ANXA9: variants seen among roughly 807,000 people sequenced by gnomAD.
ANXA9 encodes annexin 31.
ANXA9 carries 47 observed loss-of-function variants against 51.8 expected under a neutral mutation model. The observed-to-expected ratio is 0.91, with a 90% CI of 0.72 to 1.16. The LOEUF is 1.16. ANXA9 is among the 50% of genes most tolerant of loss of function. ANXA9 has a pLI of 0.00. For missense variants in ANXA9, 361 were observed against 424.7 expected (o/e 0.85, Z 1.32); for synonymous variants, 154 against 168.7 (o/e 0.91, Z 0.68).
At chr1:150,988,474 C>A in intron 12 of ANXA9, 133 bp downstream of exon 12, 2 of 1,102,820 alleles carry the variant, frequency 1.8e-6, no homozygotes, top group Non-Finnish European at 2.6e-6. Context: ...AGGGCTTACA[C>A]ACCAGGGCTT....
At chr1:150,990,278 T>C (rs2102800834) in intron 12 of ANXA9, among the ~76,000 whole-genome samples, 1 of 151,660 alleles carries the variant, frequency 6.6e-6, no homozygotes, top group South Asian at 2.1e-4. Flanking sequence ...TCCACTGCAC[T>C]TCAGCCTGGG....
Position 150,987,915 on chromosome 1 carries a change from T to A in ANXA9, c.656T>A (p.Val219Asp), listed in dbSNP as rs1424037214. The A allele has an allele frequency of 1.2e-6, 2 of 1,613,824 alleles. No homozygotes were observed. Among genetic ancestry groups the A allele is most frequent in the African/African-American group, 2.7e-5 (2 of 74,842 alleles). The change falls in exon 10 of 14, where the codon GTC (valine) becomes GAC (aspartate). Residue 219 changes from valine to aspartate, a missense_variant. By Grantham distance (152) the Val-to-Asp change is radical. Transcript: ENST00000368947. ...AEGPSREETWVPVFTQRNPEH... is the reference protein window; with the variant it reads ...AEGPSREETWDPVFTQRNPEH... ...GGACCTAGCAGAGAGGAAACATGGG[T>A]CCCAGTCTTCACCCAGCGAAATCCT... is the stretch of plus-strand genomic sequence containing the variant.
upstream of ANXA9, among the ~76,000 whole-genome samples, chr1:150,980,699 C>G (rs1246410435): frequency 6.6e-6 from 1 of 150,812 alleles, no homozygotes; most frequent in Non-Finnish European, 1.5e-5. Context: ...CCTGCCTCAG[C>G]CTCCCGAGTA....
At chr1:150,984,250 G>A (rs587753117) in intron 5 of ANXA9, 31 bp from the exon 6 acceptor site, 22 of 1,601,924 alleles carry the variant, frequency 1.4e-5, no homozygotes, top group South Asian at 3.3e-5. Context: ...CCTCACCCCC[G>A]TCCCTCTGCT....
At chr1:150,993,633 C>CTTTTTT (rs35186445) in intron 12 of ANXA9, among the ~76,000 whole-genome samples, 3 of 104,186 alleles carry the variant, frequency 2.9e-5, no homozygotes, top group South Asian at 3.3e-4. Context: ...TTCTTTCTTT[C>CTTTTTT]TTTTTTTTTT....
rs1671618741 is a variant in ANXA9 at position 150,988,346 on chromosome 1, G to C, written c.852+5G>C. 1 of 1,613,944 alleles carries C rather than the reference G, an allele frequency of 6.2e-7. No individual in the cohort carries two copies. Among genetic ancestry groups the C allele is most frequent in the Non-Finnish European group, 8.5e-7 (1 of 1,180,002 alleles). ...AAACTTCATCAAGCCCTCCAGGTGA[G>C]AGGGGCACTCCTTTCCCTCCCCAGA... On this transcript the variant is annotated splice_donor_5th_base_variant and intron_variant, in intron 12 of 13. Transcript: ENST00000368947.
intron 12 of ANXA9, among the ~76,000 whole-genome samples, chr1:150,990,182 C>A (rs1030327506): frequency 6.6e-6 from 1 of 150,694 alleles, no homozygotes; most frequent in African/African-American, 2.5e-5. Flanking sequence ...ATGGTGGCAC[C>A]TGCCTCTAGT....
chr1:150,994,786 C>A, intron 13 of ANXA9, 87 bp downstream of exon 13: 1 of 1,554,116 alleles, frequency 6.4e-7, no homozygotes, highest in Non-Finnish European at 8.7e-7. Flanking sequence ...TGAGCATATT[C>A]TTGCCCCATA....
rs770185577 is a variant in ANXA9 at position 150,995,253 on chromosome 1, T to C, written c.976-7T>C. 1 of 1,609,346 alleles carries C rather than the reference T, an allele frequency of 6.2e-7. No homozygotes were observed. Among genetic ancestry groups the C allele is most frequent in the Non-Finnish European group, 8.5e-7 (1 of 1,177,544 alleles). ...ATCTTTCTAACACTGAATTCCCTTGTCTGCAGGATGCAGTGAAAGGGGATT... is the reference window on the plus strand; with the variant it reads ...ATCTTTCTAACACTGAATTCCCTTGCCTGCAGGATGCAGTGAAAGGGGATT... On this transcript the variant is annotated splice_polypyrimidine_tract_variant and splice_region_variant and intron_variant, in intron 13 of 13. Coordinates refer to ENST00000368947, the MANE Select transcript of ANXA9 (RefSeq NM_003568.3).
intron 2 of ANXA9, 22 bp from the exon 3 acceptor site, chr1:150,983,068 G>A (rs1333743467): frequency 6.3e-7 from 1 of 1,597,542 alleles, no homozygotes; most frequent in Non-Finnish European, 8.6e-7. Flanking sequence ...TCAGCTCTGT[G>A]GGCTCCTGTT....
At chr1:150,980,835 T>C (rs1307855690), upstream of ANXA9, among the ~76,000 whole-genome samples, 1 of 152,118 alleles carries the variant, frequency 6.6e-6, no homozygotes, top group Non-Finnish European at 1.5e-5. Context: ...CGCCTCGGCC[T>C]CACAAAGTGC....
At chr1:150,987,063 A>G (rs1671577260) in intron 9 of ANXA9, among the ~76,000 whole-genome samples, 1 of 152,142 alleles carries the variant, frequency 6.6e-6, no homozygotes, top group Non-Finnish European at 1.5e-5. Flanking sequence ...AAGATAAAAA[A>G]ACATAAATAA....
At chr1:150,979,479 G>A (rs189123635), upstream of ANXA9, among the ~76,000 whole-genome samples, 78 of 152,258 alleles carry the variant, frequency 5.1e-4, no homozygotes, top group Non-Finnish European at 8.8e-4. Flanking sequence ...GTCAGCCTCG[G>A]GGGCTCCCCT....
rs747626137 is a variant in ANXA9 at position 150,983,205 on chromosome 1, A to T, written c.75+25A>T. 5 of 1,612,090 alleles carry T rather than the reference A, an allele frequency of 3.1e-6. No individual in the cohort carries two copies. In the East Asian group the frequency reaches 1.1e-4, roughly 36 times the overall value. ...GGTAGGGGCTGTTGGGATTTTAGAG[A>T]TCACTTTTAGTATCTCAGCTCGGGC... On this transcript the variant is annotated intron_variant, in intron 3 of 13. Coordinates refer to ENST00000368947, the MANE Select transcript of ANXA9 (RefSeq NM_003568.3).
chr1:150,984,744 G>C (rs1671506649), intron 7 of ANXA9, 68 bp downstream of exon 7: 3 of 1,380,264 alleles, frequency 2.2e-6, no homozygotes, highest in Non-Finnish European at 3.0e-6. Context: ...CTCCTCTCCT[G>C]TACTCCCCAT....
In ANXA9 at chr1:150,986,261, G is replaced by C. The variant is rs1571689704; in HGVS notation, c.473-75G>C. On this transcript the variant is annotated intron_variant, in intron 7 of 13. Transcript: ENST00000368947. ...GGGCTGGCAGGGTATAGCGGGTCAGGCATTTGGCAGGTCCTGGGGATATCT... is the reference window on the plus strand; with the variant it reads ...GGGCTGGCAGGGTATAGCGGGTCAGCCATTTGGCAGGTCCTGGGGATATCT... 4.4e-6 allele frequency: 6 copies of C among 1,352,250 alleles called. No individual in the cohort carries two copies. The East Asian group carries it at 1.4e-4, about 31-fold the overall frequency. 83.8% of individuals were successfully genotyped at this position (1,352,250 alleles called of 1,614,324 possible).
chr1:150,990,364 G>GAAA (rs61093975), intron 12 of ANXA9, among the ~76,000 whole-genome samples: 1,535 of 149,246 alleles, frequency 0.01, 22 homozygotes, highest in African/African-American at 0.036. Context: ...CCATTTTTCT[G>GAAA]AAAAAAAAAA....
chr1:150,988,305 G>T lies in ANXA9; in HGVS notation c.816G>T (p.Pro272=), dbSNP rs372215070. 6.2e-7 allele frequency: 1 copy of T among 1,614,112 alleles called. No individual in the cohort carries two copies. The highest frequency in any genetic ancestry group is 8.5e-7 in the Non-Finnish European group (1 of 1,180,030). ...CAGCTTCGGTGATCAAGAACACACC[G>T]CTGTACTTTGCTGACAAACTTCATC... The part of the protein sequence containing the change: ...LGLASVIKNT[P]LYFADKLHQA... Residue 272 remains proline, a synonymous_variant, in exon 12 of 14, where the codon CCG becomes CCT. Transcript: ENST00000368947.
In ANXA9 at chr1:150,986,341, C is replaced by A. The variant is rs768025366; in HGVS notation, c.478C>A (p.Gln160Lys). Residue 160 changes from glutamine to lysine, a missense_variant, in exon 8 of 14, where the codon CAG becomes AAG. Physicochemically the swap from Gln to Lys is moderately conservative, Grantham distance 53. Coordinates refer to ENST00000368947, the MANE Select transcript of ANXA9 (RefSeq NM_003568.3). ...ECLAVYKHNFQVEAVDDITSE... is the reference protein window; with the variant it reads ...ECLAVYKHNFKVEAVDDITSE... ...AGCTCCTCACCCCACCCCAGATTTCCAGGTGGAGGCTGTGGATGACATCAC... is the reference window on the plus strand; with the variant it reads ...AGCTCCTCACCCCACCCCAGATTTCAAGGTGGAGGCTGTGGATGACATCAC... The A allele has an allele frequency of 6.2e-7, 1 of 1,614,032 alleles. No individual in the cohort carries two copies. The highest frequency in any genetic ancestry group is 8.5e-7 in the Non-Finnish European group (1 of 1,179,936).
Sources: allele counts gnomAD v4.1 joint callset (sites outside exome capture counted in the v4.1 genomes callset), GRCh38; gene constraint gnomAD v4.1.1; transcripts MANE v1.5; gene names NCBI Gene and HGNC (gene_info 2026-07-23, HGNC 2026-07-21).